The following GRIN2B variants were observed in gnomAD, a reference collection of about 807,000 sequenced individuals.
GRIN2B encodes the protein glutamate receptor ionotropic, NMDA 2B.
A neutral mutation model predicts 114.5 loss-of-function variants in GRIN2B; 5 were observed. The observed-to-expected ratio is 0.04, with a 90% CI of 0.02 to 0.09. The LOEUF is 0.09. GRIN2B is among the 10% of genes least tolerant of loss of function. GRIN2B has a pLI of 1.00. For synonymous variants in GRIN2B, 787 were observed against 745.1 expected, an observed-to-expected ratio of 1.06 and a Z score of -0.92; for missense variants, 1,108 against 1,943.5, an observed-to-expected ratio of 0.57 and a Z score of 8.08.
rs564424906 is a variant in GRIN2B, at chr12:13,880,696, A to G, written c.-18-14470T>C. Among the ~76,000 whole-genome samples the G allele has an allele frequency of 5.3e-5, 8 of 152,344 alleles. No homozygotes were observed. In the East Asian group the frequency reaches 5.8e-4, roughly 11 times the overall value. On this transcript the variant is annotated intron_variant, in intron 2 of 13. Transcript: ENST00000609686. ...AATAACATTCAATGAAGCGTTTTCA[A>G]TTGAAATAATATTCATGGAAACAGT...
chr12:13,944,940 T>C (rs1867336594), intron 2 of GRIN2B, among the ~76,000 whole-genome samples: 1 of 152,220 alleles, frequency 6.6e-6, no homozygotes, highest in Non-Finnish European at 1.5e-5. Flanking sequence ...CTTACGGCTT[T>C]AATTTTTTAA....
chr12:13,600,205 C>T (rs1949137466), intron 10 of GRIN2B, among the ~76,000 whole-genome samples: 2 of 152,122 alleles, frequency 1.3e-5, no homozygotes, highest in Non-Finnish European at 2.9e-5. Context: ...CCCTCCCTCC[C>T]TTCCTTCCTT....
chr12:13,924,438 C>T (rs1237610514), intron 2 of GRIN2B, among the ~76,000 whole-genome samples: 4 of 152,140 alleles, frequency 2.6e-5, no homozygotes, highest in Non-Finnish European at 5.9e-5. Context: ...CTAATAGAAC[C>T]CAGCAGGAGC....
intron 4 of GRIN2B, among the ~76,000 whole-genome samples, chr12:13,712,645 C>CTA (rs1425311305): frequency 6.6e-6 from 1 of 151,698 alleles, no homozygotes; most frequent in Non-Finnish European, 1.5e-5. Context: ...GTTGAAACAC[C>CTA]TAGTGTGCTT....
chr12:13,860,679 A>G (rs925618792), intron 3 of GRIN2B, among the ~76,000 whole-genome samples: 3 of 152,162 alleles, frequency 2.0e-5, no homozygotes, highest in African/African-American at 7.2e-5. Context: ...CACAGTAAGA[A>G]TATTTTTGCA....
intron 2 of GRIN2B, among the ~76,000 whole-genome samples, chr12:13,964,623 A>T (rs74364446): frequency 0.021 from 3,150 of 152,296 alleles, 92 homozygotes; most frequent in African/African-American, 0.071. Context: ...GTCCCCTAAT[A>T]AATACTTCAT....
At chr12:13,656,993 T>G (rs542431045) in intron 5 of GRIN2B, among the ~76,000 whole-genome samples, 20 of 152,172 alleles carry the variant, frequency 1.3e-4, no homozygotes, top group Non-Finnish European at 2.1e-4. Flanking sequence ...TCTGGGATAC[T>G]AGGACTCAGA....
At chr12:13,708,682 A>C (rs896663422) in intron 4 of GRIN2B, among the ~76,000 whole-genome samples, 1 of 152,080 alleles carries the variant, frequency 6.6e-6, no homozygotes, top group Non-Finnish European at 1.5e-5. Flanking sequence ...TCATTTTCCT[A>C]TTACATACAA....
intron 4 of GRIN2B, among the ~76,000 whole-genome samples, chr12:13,724,521 G>C (rs1207254615): frequency 6.6e-6 from 1 of 152,134 alleles, no homozygotes; most frequent in African/African-American, 2.4e-5. Flanking sequence ...GGTGACAAAT[G>C]ATGGGAAGAC....
chr12:13,886,432 A>C (rs551558509), intron 2 of GRIN2B, among the ~76,000 whole-genome samples: 262 of 152,286 alleles, frequency 1.7e-3, no homozygotes, highest in South Asian at 4.2e-3. Flanking sequence ...AAATGCCTAG[A>C]AGCTAAATAA....
intron 10 of GRIN2B, among the ~76,000 whole-genome samples, chr12:13,575,831 A>G (rs1948769225): frequency 6.6e-6 from 1 of 152,148 alleles, no homozygotes; most frequent in Non-Finnish European, 1.5e-5. Flanking sequence ...CCTTAAATTT[A>G]TGGACCTACC....
At chr12:13,801,403 A>G (rs957913423) in intron 3 of GRIN2B, among the ~76,000 whole-genome samples, 2 of 152,116 alleles carry the variant, frequency 1.3e-5, no homozygotes, top group African/African-American at 4.8e-5. Flanking sequence ...TAGGAGCTCA[A>G]AAGATAAGAA....
chr12:13,936,373 C>T (rs907048020), intron 2 of GRIN2B, among the ~76,000 whole-genome samples: 1 of 152,076 alleles, frequency 6.6e-6, no homozygotes, highest in Non-Finnish European at 1.5e-5. Flanking sequence ...AAGATCTGTA[C>T]CCCAAAATAA....
At chr12:13,831,253 C>T (rs1175336693) in intron 3 of GRIN2B, among the ~76,000 whole-genome samples, 2 of 152,184 alleles carry the variant, frequency 1.3e-5, no homozygotes, top group African/African-American at 4.8e-5. Context: ...ATCCTCTTTT[C>T]TTTATAAATT....
chr12:13,698,431 C>T (rs1022289190), intron 4 of GRIN2B, among the ~76,000 whole-genome samples: 27 of 151,950 alleles, frequency 1.8e-4, no homozygotes, highest in Non-Finnish European at 3.2e-4. Flanking sequence ...ATTTTGTATA[C>T]GATAAAATGA....
chr12:13,685,375 G>A (rs1188222193), intron 4 of GRIN2B, among the ~76,000 whole-genome samples: 1 of 152,208 alleles, frequency 6.6e-6, no homozygotes, highest in Non-Finnish European at 1.5e-5. Context: ...TCACTTACAG[G>A]GCTGGAGAGT....
chr12:13,575,340 T>TTA (rs1948760977), intron 10 of GRIN2B, among the ~76,000 whole-genome samples: 1 of 152,082 alleles, frequency 6.6e-6, no homozygotes, highest in African/African-American at 2.4e-5. Context: ...ATAGCAAGAC[T>TTA]TATATAGTTA....
chr12:13,631,946 C>T (rs1182945635), intron 5 of GRIN2B, among the ~76,000 whole-genome samples: 2 of 152,262 alleles, frequency 1.3e-5, no homozygotes, highest in East Asian at 1.9e-4. Flanking sequence ...TGTCTGACAT[C>T]GAGAATTAAT....
At chr12:13,850,938 C>T (rs1171553900) in intron 3 of GRIN2B, among the ~76,000 whole-genome samples, 3 of 152,112 alleles carry the variant, frequency 2.0e-5, no homozygotes, top group African/African-American at 7.2e-5. Context: ...CTGTCTAAAT[C>T]CTAGGTCTCC....
Sources: gnomAD v4.1 joint callset for allele counts (sites outside exome capture counted in the v4.1 genomes callset) on GRCh38, gnomAD v4.1.1 for gene constraint, MANE v1.5 for transcripts, NCBI Gene and HGNC (gene_info 2026-07-23, HGNC 2026-07-21) for gene names.